Variants in FSCN2 observed in about 807,000 individuals in gnomAD.
FSCN2 encodes fascin actin-bundling protein 2, retinal, also known as fascin-2.
Under a neutral mutation model 37.8 loss-of-function variants are expected in FSCN2, and 46 were observed. The observed-to-expected ratio is 1.22, with a 90% CI of 0.96 to 1.56. FSCN2 has a LOEUF of 1.56. Ranked by LOEUF, FSCN2 falls within the 40% of genes most tolerant of loss-of-function variation. FSCN2 has a pLI of 0.00. For synonymous variants in FSCN2, 351 were observed against 309.4 expected, an observed-to-expected ratio of 1.13 and a Z score of -1.41; for missense variants, 844 against 730.4, an observed-to-expected ratio of 1.16 and a Z score of -1.79.
At position 81,537,036 on chromosome 17, in the gene FSCN2, GCCGATGCCGACGCC is replaced by G; in HGVS notation, c.1439_1452del (p.Asp480GlyfsTer20). Reference sequence around the variant, plus strand: ...CGGCGGCGCCTCGGGCCTGCTGCGGGCCGATGCCGACGCCCCGGCCGGGACCGCGCTTTGGGAGT... The same window carrying G: ...CGGCGGCGCCTCGGGCCTGCTGCGGGCCGGCCGGGACCGCGCTTTGGGAGT... On this transcript the variant is annotated frameshift_variant, in exon 5 of 5. Transcript: ENST00000417245. LOFTEE classifies it low-confidence loss of function (END_TRUNC). The G allele has an allele frequency of 6.8e-7, 1 of 1,481,086 alleles. No individual in the cohort carries two copies. Among genetic ancestry groups the G allele is most frequent in the Non-Finnish European group, 8.9e-7 (1 of 1,123,150 alleles). The allele number at this position is 1,481,086 out of a possible 1,614,324, so 91.7% of individuals were successfully genotyped here. A position where few individuals can be genotyped will look rare whatever the true frequency, so the allele number is the denominator to read the frequency against.
At chr17:81,530,696 C>T in intron 1 of FSCN2, 1 of 472,446 alleles carries the variant, frequency 2.1e-6, no homozygotes, top group South Asian at 1.5e-5. Context: ...TACACTGACA[C>T]TCTGGGGCCA....
At chr17:81,532,626 A>G (rs926106250) in intron 1 of FSCN2, among the ~76,000 whole-genome samples, 36 of 133,276 alleles carry the variant, frequency 2.7e-4, no homozygotes, top group African/African-American at 9.5e-4. Flanking sequence ...GATAATGGTG[A>G]TGATGGTGAT....
intron 3 of FSCN2, 83 bp from the exon 4 acceptor site, chr17:81,536,539 G>A: frequency 6.4e-7 from 1 of 1,572,478 alleles, no homozygotes; most frequent in South Asian, 1.2e-5. Context: ...TCCAGGTGTG[G>A]CGTTTCCCAG....
chr17:81,531,306 G>GTGA (rs2032559912), intron 1 of FSCN2, among the ~76,000 whole-genome samples: 1 of 42,590 alleles, frequency 2.3e-5, no homozygotes, highest in Non-Finnish European at 4.6e-5. Flanking sequence ...GATGGTGATG[G>GTGA]TGGTGGTGGT....
At chr17:81,534,374 G>A (rs1043069298) in intron 1 of FSCN2, among the ~76,000 whole-genome samples, 20 of 152,196 alleles carry the variant, frequency 1.3e-4, no homozygotes, top group African/African-American at 4.6e-4. Flanking sequence ...ACCACTCCCA[G>A]TGTCTGGCTG....
chr17:81,532,236 ATGATGG>A lies in FSCN2; in HGVS notation c.827-2804_827-2799del, dbSNP rs1455403968. On this transcript the variant is annotated intron_variant, in intron 1 of 4. Coordinates refer to ENST00000417245, the MANE Select transcript of FSCN2 (RefSeq NM_012418.4). ...AGTGATGGTGATGATGATAATGGTG[ATGATGG>A]TGATGGTGATGATGATGATGATAGT... Among the ~76,000 whole-genome samples, 67 of 134,340 alleles carry A rather than the reference ATGATGG, an allele frequency of 5.0e-4. 2 individuals are homozygous for A. The highest frequency in any genetic ancestry group is 7.6e-4 in the South Asian group (3 of 3,954). 88.1% of individuals were successfully genotyped at this position (134,340 alleles called of 152,430 possible). A position where few individuals can be genotyped will look rare whatever the true frequency, so the allele number is the denominator to read the frequency against.
the FSCN2 span, among the ~76,000 whole-genome samples, chr17:81,518,219 G>C: frequency 6.6e-5 from 10 of 152,074 alleles, no homozygotes; most frequent in African/African-American, 2.2e-4. Context: ...GCCTCCTCCT[G>C]GCATGCCCCC....
At chr17:81,522,513 T>A in the FSCN2 span, among the ~76,000 whole-genome samples, 1 of 152,224 alleles carries the variant, frequency 6.6e-6, no homozygotes, top group African/African-American at 2.4e-5. Flanking sequence ...GTCCCAGAAG[T>A]CAGAGGTAGA....
chr17:81,536,029 G>GT, intron 2 of FSCN2, 117 bp from the exon 3 acceptor site: 1 of 1,271,612 alleles, frequency 7.9e-7, no homozygotes, highest in Non-Finnish European at 1.1e-6. Context: ...GGTGGTGGGT[G>GT]TGTCAGTGGA....
the FSCN2 span, among the ~76,000 whole-genome samples, chr17:81,522,797 C>G: frequency 2.6e-5 from 4 of 152,204 alleles, no homozygotes; most frequent in Non-Finnish European, 5.9e-5. Context: ...ACAGCCATCT[C>G]TTCTCTGAAA....
upstream of FSCN2, among the ~76,000 whole-genome samples, chr17:81,525,519 G>A (rs542301957): frequency 4.6e-5 from 7 of 150,818 alleles, no homozygotes; most frequent in South Asian, 4.2e-4. Flanking sequence ...TCAGGAGTTC[G>A]AGACCAGTCT....
chr17:81,533,980 T>C (rs767307336), intron 1 of FSCN2, among the ~76,000 whole-genome samples: 15 of 152,180 alleles, frequency 9.9e-5, no homozygotes, highest in Non-Finnish European at 2.1e-4. Context: ...CGTGTCAGTG[T>C]TGCCCTCCAC....
intron 1 of FSCN2, among the ~76,000 whole-genome samples, chr17:81,530,305 G>T (rs1453215586): frequency 6.6e-6 from 1 of 152,206 alleles, no homozygotes; most frequent in Non-Finnish European, 1.5e-5. Flanking sequence ...GGCTCCTGGT[G>T]GGGAGGCACC....
the FSCN2 span, among the ~76,000 whole-genome samples, chr17:81,516,926 C>T: frequency 6.9e-6 from 1 of 144,848 alleles, no homozygotes; most frequent in African/African-American, 2.4e-5. Context: ...CAGACCAGGT[C>T]TCTGCATGTT....
At chr17:81,531,765 GTGA>G (rs2032630663) in intron 1 of FSCN2, among the ~76,000 whole-genome samples, 7 of 125,842 alleles carry the variant, frequency 5.6e-5, no homozygotes, top group Admixed American at 2.4e-4. Context: ...GGCGATGATG[GTGA>G]TGATAGTGAT....
At chr17:81,527,952 C>T (rs2032400454), upstream of FSCN2, among the ~76,000 whole-genome samples, 1 of 152,198 alleles carries the variant, frequency 6.6e-6, no homozygotes, top group African/African-American at 2.4e-5. Flanking sequence ...ATCAGAGAAG[C>T]AGTAACTGGA....
Position 81,537,063 on chromosome 17 carries a change from G to A in FSCN2, c.1462G>A (p.Ala488Thr), listed in dbSNP as rs1428933444. The A allele has an allele frequency of 6.9e-7, 1 of 1,458,526 alleles. No individual in the cohort carries two copies. The highest frequency in any genetic ancestry group is 1.4e-5 in the South Asian group (1 of 73,764). The allele number at this position is 1,458,526 out of a possible 1,614,324, so 90.3% of individuals were successfully genotyped here. A position where few individuals can be genotyped will look rare whatever the true frequency, so the allele number is the denominator to read the frequency against. The change falls in exon 5 of 5, where the codon GCG becomes ACG. Residue 488 changes from alanine to threonine, a missense_variant. Physicochemically the swap from Ala to Thr is moderately conservative, Grantham distance 58. Transcript: ENST00000417245. ...CGATGCCGACGCCCCGGCCGGGACC[G>A]CGCTTTGGGAGTACTGAGGCCGCGC... Reference protein sequence around the residue: ...RADADAPAGTALWEY With the variant: ...RADADAPAGTTLWEY
At chr17:81,531,495 ATG>A (rs2032595423) in intron 1 of FSCN2, among the ~76,000 whole-genome samples, 4 of 92,394 alleles carry the variant, frequency 4.3e-5, no homozygotes, top group African/African-American at 1.8e-4. Context: ...GATGATGGTG[ATG>A]GTGATGGTGG....
the FSCN2 span, among the ~76,000 whole-genome samples, chr17:81,517,077 T>C: frequency 6.6e-6 from 1 of 152,042 alleles, no homozygotes; most frequent in South Asian, 2.1e-4. Context: ...TGGAGGGCGG[T>C]GTGGGCACTC....
Sources: gnomAD v4.1 joint callset for allele counts (sites outside exome capture counted in the v4.1 genomes callset) on GRCh38, gnomAD v4.1.1 for gene constraint, MANE v1.5 for transcripts, NCBI Gene and HGNC (gene_info 2026-07-23, HGNC 2026-07-21) for gene names.